Variants in ST6GAL2 observed in about 807,000 individuals in gnomAD.
ST6GAL2 encodes the protein beta-galactoside alpha-2,6-sialyltransferase 2.
In ST6GAL2, 24 loss-of-function variants were observed where a neutral mutation model predicts 37.5. The observed-to-expected ratio is 0.64, with a 90% CI of 0.46 to 0.90. The LOEUF is 0.90. Among genes scored for constraint, ST6GAL2 ranks in the 40% least tolerant of loss-of-function variants. The pLI, the probability that ST6GAL2 is intolerant of heterozygous loss-of-function variation, is 0.00. For missense variants in ST6GAL2, 715 were observed against 712.7 expected (o/e 1.00, Z -0.04); for synonymous variants, 306 against 295.1 (o/e 1.04, Z -0.38).
chr2:106,865,670 T>C (rs760765592), intron 1 of ST6GAL2, among the ~76,000 whole-genome samples: 8 of 152,210 alleles, frequency 5.3e-5, no homozygotes, highest in Non-Finnish European at 8.8e-5. Flanking sequence ...TAAGCCATGA[T>C]GTAACAATTT....
chr2:106,808,515 C>T (rs1675499205), intron 5 of ST6GAL2, among the ~76,000 whole-genome samples: 1 of 152,152 alleles, frequency 6.6e-6, no homozygotes, highest in Non-Finnish European at 1.5e-5. Context: ...GGTCCCTCTA[C>T]CAGTTTCCTT....
intron 5 of ST6GAL2, among the ~76,000 whole-genome samples, chr2:106,825,913 C>T (rs1676183411): frequency 6.6e-6 from 1 of 152,130 alleles, no homozygotes; most frequent in African/African-American, 2.4e-5. Context: ...CACCTTTCGC[C>T]TATATGAAGG....
intron 1 of ST6GAL2, among the ~76,000 whole-genome samples, chr2:106,882,833 G>C (rs1029105642): frequency 1.3e-5 from 2 of 152,316 alleles, no homozygotes; most frequent in Admixed American, 6.5e-5. Flanking sequence ...CCCTAGACAA[G>C]ACCACAGAGG....
intron 1 of ST6GAL2, among the ~76,000 whole-genome samples, chr2:106,851,984 C>T (rs1677382939): frequency 6.6e-6 from 1 of 152,186 alleles, no homozygotes. Context: ...AGATACCTCC[C>T]TCAGCTGGAA....
At chr2:106,864,442 A>T (rs1248432831) in intron 1 of ST6GAL2, among the ~76,000 whole-genome samples, 2 of 152,246 alleles carry the variant, frequency 1.3e-5, no homozygotes, top group Non-Finnish European at 2.9e-5. Flanking sequence ...TGAAAGACAG[A>T]ACATGGAATT....
chr2:106,855,001 C>A (rs894257531), intron 1 of ST6GAL2, among the ~76,000 whole-genome samples: 2 of 151,110 alleles, frequency 1.3e-5, no homozygotes, highest in African/African-American at 4.9e-5. Flanking sequence ...GAATACCTGA[C>A]AAATGTCTTC....
chr2:106,836,793 A>T (rs1306508264), intron 2 of ST6GAL2, among the ~76,000 whole-genome samples: 1 of 149,680 alleles, frequency 6.7e-6, no homozygotes, highest in Non-Finnish European at 1.5e-5. Flanking sequence ...AAAAAAAAAA[A>T]AAAATTAGCT....
chr2:106,822,235 A>C (rs1676031865), intron 5 of ST6GAL2, among the ~76,000 whole-genome samples: 1 of 152,182 alleles, frequency 6.6e-6, no homozygotes, highest in African/African-American at 2.4e-5. Flanking sequence ...TTTGCAGACA[A>C]CATGATCTTA....
In ST6GAL2 at chr2:106,837,564, G is replaced by A. The variant is rs550543067; in HGVS notation, c.944-3418C>T. ...GAAACCCTCTGGTTGCAGACAGTGA[G>A]AGGAGACTCCACCAGCGAGGTGACT... is the stretch of plus-strand genomic sequence containing the variant. On this transcript the variant is annotated intron_variant, in intron 2 of 5. Coordinates refer to ENST00000409382, the MANE Select transcript of ST6GAL2 (RefSeq NM_001142351.2). Among the ~76,000 whole-genome samples the A allele has an allele frequency of 6.6e-5, 10 of 152,300 alleles. No homozygotes were observed. The East Asian group carries it at 1.9e-3, about 29-fold the overall frequency.
At position 106,802,374 on chromosome 2, in the gene ST6GAL2, T is replaced by C. The variant is rs1274954279; in HGVS notation, c.*4304A>G. 2 of 152,230 alleles carry C rather than the reference T, an allele frequency of 1.3e-5. No homozygotes were observed. The highest frequency in any genetic ancestry group is 2.9e-5 in the Non-Finnish European group (2 of 68,034). The allele number at this position is 152,230 out of a possible 1,614,324, so 9.4% of individuals were successfully genotyped here. A position where few individuals can be genotyped will look rare whatever the true frequency, so the allele number is the denominator to read the frequency against. ...ATATCTACATGTACACTTTTCATAC[T>C]AAGAACTAGATCAATGTCTTTAATT... On this transcript the variant is annotated 3_prime_UTR_variant, in exon 6 of 6. Transcript: ENST00000409382.
At chr2:106,836,773 CAAAA>C (rs70956213) in intron 2 of ST6GAL2, among the ~76,000 whole-genome samples, 3 of 70,264 alleles carry the variant, frequency 4.3e-5, no homozygotes, top group Admixed American at 1.9e-4. Context: ...ACTAAAAATA[CAAAA>C]AAAAAAAAAA....
At chr2:106,880,944 T>C (rs1233828156) in intron 1 of ST6GAL2, among the ~76,000 whole-genome samples, 2 of 152,192 alleles carry the variant, frequency 1.3e-5, no homozygotes, top group Admixed American at 1.3e-4. Context: ...ACATGTGTTC[T>C]TTTGAAAGAC....
chr2:106,886,853 T>G (rs1341178877), upstream of ST6GAL2: 1 of 151,874 alleles, frequency 6.6e-6, no homozygotes, highest in East Asian at 2.0e-4. Flanking sequence ...GATTTCTGCT[T>G]GTCGCGGAGA....
chr2:106,848,405 C>G (rs1296845224), intron 1 of ST6GAL2, among the ~76,000 whole-genome samples: 1 of 152,226 alleles, frequency 6.6e-6, no homozygotes, highest in African/African-American at 2.4e-5. Flanking sequence ...CTGCACTGAG[C>G]AACAGCTCTG....
At chr2:106,873,062 T>C (rs1247166805) in intron 1 of ST6GAL2, among the ~76,000 whole-genome samples, 1 of 152,032 alleles carries the variant, frequency 6.6e-6, no homozygotes, top group Non-Finnish European at 1.5e-5. Flanking sequence ...AGGATGTGAG[T>C]CTGGGAAGAA....
chr2:106,826,076 C>G (rs1297756739), intron 5 of ST6GAL2, among the ~76,000 whole-genome samples: 1 of 152,200 alleles, frequency 6.6e-6, no homozygotes, highest in African/African-American at 2.4e-5. Context: ...TAGAGTCTCT[C>G]TATTTCAAAC....
chr2:106,881,441 C>T (rs1678746005), intron 1 of ST6GAL2, among the ~76,000 whole-genome samples: 1 of 152,182 alleles, frequency 6.6e-6, no homozygotes, highest in Admixed American at 6.5e-5. Context: ...GAAAACAAAT[C>T]CCATATTAAC....
intron 1 of ST6GAL2, among the ~76,000 whole-genome samples, chr2:106,857,588 A>T (rs1246373409): frequency 6.6e-6 from 1 of 152,216 alleles, no homozygotes; most frequent in Non-Finnish European, 1.5e-5. Context: ...TGGGCAACAC[A>T]GCAAGACCCC....
intron 2 of ST6GAL2, chr2:106,834,413 C>T: frequency 3.0e-6 from 1 of 330,958 alleles, no homozygotes; most frequent in Non-Finnish European, 5.5e-6. Context: ...TAGATACTTG[C>T]TACCTTTTCA....
Sources: gnomAD v4.1 joint callset for allele counts (sites outside exome capture counted in the v4.1 genomes callset) on GRCh38, gnomAD v4.1.1 for gene constraint, MANE v1.5 for transcripts, NCBI Gene and HGNC (gene_info 2026-07-23, HGNC 2026-07-21) for gene names.